The following CDKL1 variants were observed in gnomAD, a reference collection of about 807,000 sequenced individuals.
CDKL1 encodes cyclin dependent kinase like 1.
CDKL1 carries 41 observed loss-of-function variants against 42.0 expected under a neutral mutation model. That is an observed-to-expected ratio of 0.98 (90% CI 0.76 to 1.27). CDKL1 has a LOEUF of 1.27. Among genes scored for constraint, CDKL1 ranks in the 50% most tolerant of loss-of-function variants. The probability of loss-of-function intolerance (pLI) is 0.00; values close to 1 mark genes in which losing one functional copy is unlikely to be tolerated. For synonymous variants in CDKL1, 153 were observed against 158.6 expected, an observed-to-expected ratio of 0.96 and a Z score of 0.26; for missense variants, 394 against 428.4, an observed-to-expected ratio of 0.92 and a Z score of 0.71.
At chr14:50,337,436 C>G (rs576050212) in intron 7 of CDKL1, among the ~76,000 whole-genome samples, 1 of 151,802 alleles carries the variant, frequency 6.6e-6, no homozygotes, top group African/African-American at 2.4e-5. Context: ...ACTGTAACCT[C>G]AAACTCCTGG....
chr14:50,342,672 C>T (rs1034494339), intron 4 of CDKL1: 13 of 259,734 alleles, frequency 5.0e-5, no homozygotes, highest in African/African-American at 2.8e-4. Context: ...TTGAAAGGTC[C>T]GGGTGAGGCT....
intron 4 of CDKL1, 190 bp from the exon 5 acceptor site, chr14:50,342,412 C>T: frequency 7.4e-7 from 1 of 1,348,200 alleles, no homozygotes; most frequent in South Asian, 2.0e-5. Flanking sequence ...ATCCCAAATT[C>T]CTAAAAGGCC....
At chr14:50,390,344 C>T (rs375927709) in intron 2 of CDKL1, 22 of 1,366,432 alleles carry the variant, frequency 1.6e-5, no homozygotes, top group Non-Finnish European at 2.1e-5. Context: ...CCTCCAACTC[C>T]GCTAGGAGCA....
intron 4 of CDKL1, among the ~76,000 whole-genome samples, chr14:50,344,125 T>C (rs1232769628): frequency 6.6e-6 from 1 of 152,208 alleles, no homozygotes; most frequent in Non-Finnish European, 1.5e-5. Context: ...GCAGCAGGCT[T>C]CCCAGCATCT....
At chr14:50,380,160 A>G (rs762865514) in intron 2 of CDKL1, 1 of 530,832 alleles carries the variant, frequency 1.9e-6, no homozygotes, top group South Asian at 1.4e-5. Context: ...GAAAGGGCCA[A>G]ACACAAGCTC....
intron 9 of CDKL1, 94 bp from the exon 10 acceptor site, chr14:50,330,275 T>C (rs2032865215): frequency 6.8e-7 from 1 of 1,464,652 alleles, no homozygotes; most frequent in Non-Finnish European, 9.0e-7. Flanking sequence ...TTAAGCTTTT[T>C]AGTATAGAAG....
intron 8 of CDKL1, 177 bp downstream of exon 8, chr14:50,334,388 A>T: frequency 1.7e-6 from 1 of 578,388 alleles, no homozygotes; most frequent in Non-Finnish European, 3.1e-6. Flanking sequence ...ACCTCAGGTG[A>T]TCTGCCTGCC....
In CDKL1 at chr14:50,359,100, T is replaced by A. The variant is rs772574908; in HGVS notation, c.218A>T (p.Lys73Ile). 52 of 1,613,182 alleles carry A rather than the reference T, an allele frequency of 3.2e-5. No individual in the cohort carries two copies. The highest frequency in any genetic ancestry group is 4.4e-5 in the Non-Finnish European group (52 of 1,179,182). ...TTCAAACACCAGGTGAAGCCTCCGT[T>A]TCCTCCTGAAGACTTCCAGGAGGTT... Reference protein sequence around the residue: ...LVNLLEVFRRKRRLHLVFEYC... With the variant: ...LVNLLEVFRRIRRLHLVFEYC... The change falls in exon 3 of 10, where the codon AAA becomes ATA. Residue 73 changes from lysine to isoleucine, a missense_variant. By Grantham distance (102) the Lys-to-Ile change is moderately radical. Transcript: ENST00000395834.
intron 2 of CDKL1, among the ~76,000 whole-genome samples, chr14:50,384,993 C>A (rs1361261251): frequency 6.9e-6 from 1 of 145,788 alleles, no homozygotes. Flanking sequence ...ATTGCTTCAA[C>A]CCAGGAGGTG....
At chr14:50,382,304 T>C (rs954825607) in intron 2 of CDKL1, among the ~76,000 whole-genome samples, 1 of 151,888 alleles carries the variant, frequency 6.6e-6, no homozygotes, top group South Asian at 2.1e-4. Flanking sequence ...TACAAAAAAA[T>C]TAGCCAGGCG....
intron 6 of CDKL1, among the ~76,000 whole-genome samples, chr14:50,340,635 C>A (rs11570841): frequency 1.9e-4 from 29 of 152,302 alleles, no homozygotes; most frequent in Non-Finnish European, 3.7e-4. Flanking sequence ...ATAATCCAAA[C>A]TAGTCAGGCA....
intron 5 of CDKL1, 96 bp downstream of exon 5, chr14:50,342,036 G>C (rs984427600): frequency 2.1e-6 from 2 of 932,944 alleles, no homozygotes; most frequent in African/African-American, 3.3e-5. Flanking sequence ...AAATATACAA[G>C]TACTATCTTG....
At chr14:50,389,496 G>A (rs1369331512) in intron 2 of CDKL1, among the ~76,000 whole-genome samples, 3 of 151,934 alleles carry the variant, frequency 2.0e-5, no homozygotes, top group Non-Finnish European at 4.4e-5. Context: ...TTTGCCACCT[G>A]CCAAGAACCA....
intron 3 of CDKL1, among the ~76,000 whole-genome samples, chr14:50,356,682 C>A (rs541339797): frequency 6.6e-6 from 1 of 152,282 alleles, no homozygotes; most frequent in East Asian, 1.9e-4. Context: ...CTGTCGGGGG[C>A]TGATTTCCTT....
intron 7 of CDKL1, 50 bp from the exon 8 acceptor site, chr14:50,334,671 G>A: frequency 9.1e-7 from 1 of 1,099,220 alleles, no homozygotes; most frequent in African/African-American, 1.5e-5. Flanking sequence ...TTCAAATTAA[G>A]GTTACCTCAA....
At chr14:50,331,801 A>C in intron 9 of CDKL1, 1 of 548,326 alleles carries the variant, frequency 1.8e-6, no homozygotes, top group Non-Finnish European at 3.2e-6. Context: ...ATACCACCAA[A>C]AGCACTCATC....
At chr14:50,341,460 G>GGC (rs954279737) in intron 5 of CDKL1, among the ~76,000 whole-genome samples, 3 of 69,478 alleles carry the variant, frequency 4.3e-5, no homozygotes, top group African/African-American at 3.7e-4. Flanking sequence ...AGGGTCTGGG[G>GGC]GGGGGGGGGG....
intron 2 of CDKL1, among the ~76,000 whole-genome samples, chr14:50,366,985 G>C (rs1287995853): frequency 6.6e-6 from 1 of 152,192 alleles, no homozygotes; most frequent in Non-Finnish European, 1.5e-5. Context: ...AAAAGCCAGG[G>C]AGTCCGCATG....
rs745713757 is a variant in CDKL1, at chr14:50,329,394, T to G, written c.*680A>C. ...GTGAATAAATGTAGACAGATTACAGTAAATCCACGTTGCCTGCAAAAGTGA... is the reference window on the plus strand; with the variant it reads ...GTGAATAAATGTAGACAGATTACAGGAAATCCACGTTGCCTGCAAAAGTGA... On this transcript the variant is annotated 3_prime_UTR_variant, in exon 10 of 10. Coordinates refer to ENST00000395834, the MANE Select transcript of CDKL1 (RefSeq NM_004196.7). 6.6e-6 allele frequency: 1 copy of G among 152,210 alleles called. No individual in the cohort carries two copies. The highest frequency in any genetic ancestry group is 1.5e-5 in the Non-Finnish European group (1 of 68,060). The allele number at this position is 152,210 out of a possible 1,614,324, so 9.4% of individuals were successfully genotyped here.
Sources: gnomAD v4.1 joint callset for allele counts (sites outside exome capture counted in the v4.1 genomes callset) on GRCh38, gnomAD v4.1.1 for gene constraint, MANE v1.5 for transcripts, NCBI Gene and HGNC (gene_info 2026-07-23, HGNC 2026-07-21) for gene names.